CHN2: variants seen among roughly 807,000 people sequenced by gnomAD.
The protein encoded by CHN2 is chimerin 2.
CHN2 carries 35 observed loss-of-function variants against 56.3 expected under a neutral mutation model. The ratio of observed to expected loss-of-function variants is 0.62; its 90% CI spans 0.47 to 0.82. The LOEUF is 0.82. Among genes scored for constraint, CHN2 ranks in the 40% least tolerant of loss-of-function variants. The probability of loss-of-function intolerance (pLI) is 0.00; values close to 1 mark genes in which losing one functional copy is unlikely to be tolerated. For synonymous variants in CHN2, 210 were observed against 212.8 expected (o/e 0.99, Z 0.12); for missense variants, 491 against 580.5 (o/e 0.85, Z 1.58).
chr7:29,407,300 A>G (rs972017515), intron 6 of CHN2, among the ~76,000 whole-genome samples: 6 of 151,354 alleles, frequency 4.0e-5, no homozygotes, highest in African/African-American at 1.5e-4. Flanking sequence ...TTTTTTTTGG[A>G]TGGGATCCAC....
intron 6 of CHN2, among the ~76,000 whole-genome samples, chr7:29,405,161 C>CTACACACA (rs1554287645): frequency 4.0e-5 from 2 of 49,810 alleles, no homozygotes; most frequent in Non-Finnish European, 9.3e-5. Context: ...GCTTATGTCA[C>CTACACACA]CATACACACA....
intron 6 of CHN2, among the ~76,000 whole-genome samples, chr7:29,474,136 A>G (rs1786391802): frequency 6.6e-6 from 1 of 152,150 alleles, no homozygotes. Flanking sequence ...AAATCTGGGA[A>G]TTATACTATA....
chr7:29,343,318 ACATGGC>A (rs1797182396), intron 1 of CHN2, among the ~76,000 whole-genome samples: 1 of 152,180 alleles, frequency 6.6e-6, no homozygotes, highest in East Asian at 1.9e-4. Context: ...GAGATCAGGG[ACATGGC>A]CAGTGGTTTG....
chr7:29,148,885 T>A (rs982662625), intron 2 of CHN2, among the ~76,000 whole-genome samples: 4 of 152,030 alleles, frequency 2.6e-5, no homozygotes, highest in African/African-American at 9.7e-5. Flanking sequence ...AGGGACCAAA[T>A]GACTCTGCCC....
At chr7:29,182,641 T>C (rs1436564649) in intron 2 of CHN2, among the ~76,000 whole-genome samples, 1 of 152,186 alleles carries the variant, frequency 6.6e-6, no homozygotes, top group Non-Finnish European at 1.5e-5. Context: ...TTACGTACAC[T>C]CATGTCTAAA....
At chr7:29,423,514 A>G (rs924245355) in intron 6 of CHN2, among the ~76,000 whole-genome samples, 7 of 152,190 alleles carry the variant, frequency 4.6e-5, no homozygotes, top group African/African-American at 1.7e-4. Context: ...CCCCCTGCCC[A>G]ATCTTGCATC....
At chr7:29,281,111 A>C (rs914052636) in intron 1 of CHN2, among the ~76,000 whole-genome samples, 1 of 152,232 alleles carries the variant, frequency 6.6e-6, no homozygotes, top group African/African-American at 2.4e-5. Flanking sequence ...TATGAAACTC[A>C]AAATTCATAA....
At chr7:29,269,960 T>C (rs1225223397) in intron 1 of CHN2, among the ~76,000 whole-genome samples, 3 of 152,196 alleles carry the variant, frequency 2.0e-5, no homozygotes, top group East Asian at 1.9e-4. Context: ...CTTCTGGGGA[T>C]TGGAGAAATT....
chr7:29,345,870 T>C (rs1301586734), intron 1 of CHN2, among the ~76,000 whole-genome samples: 1 of 152,074 alleles, frequency 6.6e-6, no homozygotes, highest in Non-Finnish European at 1.5e-5. Flanking sequence ...GTCACTTACT[T>C]CCCTTGTCTT....
chr7:29,449,263 G>GA (rs986431635), intron 6 of CHN2, among the ~76,000 whole-genome samples: 20 of 151,730 alleles, frequency 1.3e-4, no homozygotes, highest in African/African-American at 2.9e-4. Flanking sequence ...GTGAGTGTCT[G>GA]AAAAAAAATA....
chr7:29,238,229 A>T (rs1485926690), intron 1 of CHN2, among the ~76,000 whole-genome samples: 1 of 151,960 alleles, frequency 6.6e-6, no homozygotes, highest in East Asian at 1.9e-4. Flanking sequence ...TGTGTTAGCC[A>T]GGAAGGTCTT....
intron 1 of CHN2, among the ~76,000 whole-genome samples, chr7:29,350,698 C>A (rs1797811011): frequency 6.6e-6 from 1 of 152,164 alleles, no homozygotes; most frequent in South Asian, 2.1e-4. Flanking sequence ...TGGGAAGGAT[C>A]AGGGCGAGGT....
intron 2 of CHN2, among the ~76,000 whole-genome samples, chr7:29,176,596 C>A (rs1797379157): frequency 6.6e-6 from 1 of 151,808 alleles, no homozygotes; most frequent in South Asian, 2.1e-4. Context: ...ACTAAGACAC[C>A]CTTACAAAGA....
chr7:29,434,444 C>T (rs978201243), intron 6 of CHN2, among the ~76,000 whole-genome samples: 1 of 151,610 alleles, frequency 6.6e-6, no homozygotes, highest in Non-Finnish European at 1.5e-5. Context: ...CTGGGCCATG[C>T]TCTCTCTGAA....
rs896353011 is a variant in CHN2 at position 29,146,753 on chromosome 7, T to C, written c.162+8T>C. The C allele has an allele frequency of 2.6e-6, 4 of 1,549,706 alleles. No homozygotes were observed. In the African/African-American group the frequency reaches 5.5e-5, roughly 21 times the overall value. ...CGGCGGGGTGCCATTCAGGTTGGTT[T>C]GTCCCTTTGTTTTATTTTGATTTTG... On this transcript the variant is annotated splice_region_variant and intron_variant, in intron 1 of 6. Coordinates refer to the CHN2 transcript ENST00000439384.
intron 1 of CHN2, among the ~76,000 whole-genome samples, chr7:29,264,212 G>A (rs1789909028): frequency 2.0e-5 from 3 of 150,868 alleles, no homozygotes; most frequent in Admixed American, 6.6e-5. Flanking sequence ...CCCTCTGCCC[G>A]GCCACCACCC....
At chr7:29,209,456 C>T (rs1438432784) in intron 1 of CHN2, among the ~76,000 whole-genome samples, 2 of 152,286 alleles carry the variant, frequency 1.3e-5, no homozygotes, top group Middle Eastern at 6.8e-3. Flanking sequence ...AGATGACTGA[C>T]AACTCATATG....
intron 2 of CHN2, among the ~76,000 whole-genome samples, chr7:29,355,844 CTCA>C (rs2128927192): frequency 7.9e-6 from 1 of 126,528 alleles, no homozygotes; most frequent in East Asian, 2.6e-4. Context: ...CGTGCAGTGG[CTCA>C]ATCTCAGCTC....
intron 3 of CHN2, among the ~76,000 whole-genome samples, chr7:29,374,961 C>G (rs539888325): frequency 1.3e-5 from 2 of 151,012 alleles, no homozygotes; most frequent in African/African-American, 4.9e-5. Context: ...GATCTTGGCT[C>G]ACCGCAACCT....
Sources: gnomAD v4.1 joint callset for allele counts (sites outside exome capture counted in the v4.1 genomes callset) on GRCh38, gnomAD v4.1.1 for gene constraint, MANE v1.5 for transcripts, NCBI Gene and HGNC (gene_info 2026-07-23, HGNC 2026-07-21) for gene names.